Variants in GXYLT2 observed in about 807,000 individuals in gnomAD.
GXYLT2 encodes the protein glycosyltransferase 8 domain containing 4.
In GXYLT2, 53 loss-of-function variants were observed where a neutral mutation model predicts 45.8. That is an observed-to-expected ratio of 1.16 (90% CI 0.93 to 1.46). GXYLT2 has a LOEUF of 1.46. Ranked by LOEUF, GXYLT2 falls within the 40% of genes most tolerant of loss-of-function variation. The pLI is 0.00. For synonymous variants in GXYLT2, 219 were observed against 214.2 expected, an observed-to-expected ratio of 1.02 and a Z score of -0.19; for missense variants, 551 against 544.4, an observed-to-expected ratio of 1.01 and a Z score of -0.12.
chr3:72,888,134 A>T lies in GXYLT2; in HGVS notation c.-100A>T. On this transcript the variant is annotated 5_prime_UTR_variant, in exon 1 of 7. Transcript: ENST00000389617. The stretch of plus-strand genomic sequence containing the variant: ...ACCCCAGTCCCCGGCGGGCGGGCGG[A>T]GGAGGCGACCGCCGCGCGCTGCTGC... The T allele has an allele frequency of 2.8e-6, 2 of 719,336 alleles. No homozygotes were observed. Among genetic ancestry groups the T allele is most frequent in the Non-Finnish European group, 3.4e-6 (2 of 591,280 alleles). The allele number at this position is 719,336 out of a possible 1,614,324, so 44.6% of individuals were successfully genotyped here. A position where few individuals can be genotyped will look rare whatever the true frequency, so the allele number is the denominator to read the frequency against.
At chr3:72,957,511 A>G (rs867502070) in intron 5 of GXYLT2, among the ~76,000 whole-genome samples, 159 bp downstream of exon 5, 56 of 152,130 alleles carry the variant, frequency 3.7e-4, no homozygotes, top group African/African-American at 1.4e-3. Flanking sequence ...CCCCCTGGGT[A>G]TCTGATGGAG....
chr3:72,938,422 G>A (rs968128518), intron 3 of GXYLT2, among the ~76,000 whole-genome samples: 5 of 152,196 alleles, frequency 3.3e-5, no homozygotes, highest in African/African-American at 1.2e-4. Flanking sequence ...TCAAATATAA[G>A]AAAAGGGAAA....
intron 6 of GXYLT2, among the ~76,000 whole-genome samples, chr3:72,969,712 C>T (rs892042541): frequency 6.6e-6 from 1 of 152,054 alleles, no homozygotes; most frequent in African/African-American, 2.4e-5. Flanking sequence ...ATATGGTCTA[C>T]AGAGTCTAAA....
At chr3:72,896,466 G>A (rs1195328454) in intron 1 of GXYLT2, among the ~76,000 whole-genome samples, 4 of 152,092 alleles carry the variant, frequency 2.6e-5, no homozygotes, top group Non-Finnish European at 5.9e-5. Context: ...TTTTCTTGTG[G>A]GGGTAGGTAT....
chr3:72,922,289 G>A lies in GXYLT2; in HGVS notation c.554G>A (p.Trp185Ter), dbSNP rs766154534. 4 of 1,613,670 alleles carry A rather than the reference G, an allele frequency of 2.5e-6. 1 individual carries two copies. Among genetic ancestry groups the A allele is most frequent in the South Asian group, 2.2e-5 (2 of 91,064 alleles). The change falls in exon 3 of 7, where the codon TGG (tryptophan) becomes TAG (stop). Residue 185 changes from tryptophan to a stop codon, truncating the protein, a stop_gained. Transcript: ENST00000389617. LOFTEE classifies it high-confidence loss of function. ...ITFSVGNPQE[W>*]KKLFKPCAAQ... ...TTTTCTGTTGGAAACCCTCAGGAGT[G>A]GAAGAAATTGTTCAAACCCTGTGCT... is the stretch of plus-strand genomic sequence containing the variant.
intron 1 of GXYLT2, among the ~76,000 whole-genome samples, chr3:72,890,758 T>C (rs565627413): frequency 6.6e-6 from 1 of 152,348 alleles, no homozygotes; most frequent in African/African-American, 2.4e-5. Context: ...ATGGATGTTT[T>C]AGGGAAGGAG....
chr3:72,949,310 G>A (rs189897384), intron 3 of GXYLT2, among the ~76,000 whole-genome samples: 52 of 151,784 alleles, frequency 3.4e-4, no homozygotes, highest in African/African-American at 1.2e-3. Context: ...CCTGCTCTCC[G>A]CTTATTTATC....
In GXYLT2 at chr3:72,898,583, G is replaced by A. The variant is rs564447784; in HGVS notation, c.276-9784G>A. On this transcript the variant is annotated intron_variant, in intron 1 of 6. Transcript: ENST00000389617. Reference sequence around the variant, plus strand: ...ATAACCTCTGCGAATGGCAGATGGGGTGGGTTAGGAAGGTAGAGTTGGCAA... The same window carrying A: ...ATAACCTCTGCGAATGGCAGATGGGATGGGTTAGGAAGGTAGAGTTGGCAA... Among the ~76,000 whole-genome samples, 46 of 152,326 alleles carry A rather than the reference G, an allele frequency of 3.0e-4. 2 individuals carry two copies. The South Asian group carries it at 8.7e-3, about 29-fold the overall frequency.
chr3:72,974,788 G>A (rs1711060585), intron 6 of GXYLT2, among the ~76,000 whole-genome samples, 189 bp from the exon 7 acceptor site: 2 of 152,042 alleles, frequency 1.3e-5, no homozygotes, highest in Non-Finnish European at 2.9e-5. Context: ...GGTTCGGAGA[G>A]TTTAAATGAT....
intron 3 of GXYLT2, among the ~76,000 whole-genome samples, chr3:72,940,283 A>G (rs1710275654): frequency 6.6e-6 from 1 of 152,264 alleles, no homozygotes; most frequent in South Asian, 2.1e-4. Flanking sequence ...CCCTAGAAGT[A>G]TGACTGTGAA....
chr3:72,927,470 G>A (rs1446954301), intron 3 of GXYLT2, among the ~76,000 whole-genome samples: 5 of 152,166 alleles, frequency 3.3e-5, no homozygotes, highest in East Asian at 1.9e-4. Context: ...GCTTACCAAT[G>A]ATGTCTTCAT....
At chr3:72,962,964 A>ACC (rs145982038) in intron 5 of GXYLT2, among the ~76,000 whole-genome samples, 1 of 150,162 alleles carries the variant, frequency 6.7e-6, no homozygotes, top group Admixed American at 6.6e-5. Context: ...TAAAAAAAAA[A>ACC]AACAAAAAAA....
At chr3:72,937,651 C>T (rs1448694520) in intron 3 of GXYLT2, among the ~76,000 whole-genome samples, 1 of 152,204 alleles carries the variant, frequency 6.6e-6, no homozygotes, top group Non-Finnish European at 1.5e-5. Flanking sequence ...TTCTGCCCTA[C>T]TTCTTAGAAT....
intron 3 of GXYLT2, chr3:72,927,180 C>T (rs1709935206): frequency 6.6e-6 from 1 of 152,308 alleles, no homozygotes; most frequent in Admixed American, 6.6e-5. Flanking sequence ...CTCAAGTGAT[C>T]CTCCTTCCTA....
intron 3 of GXYLT2, among the ~76,000 whole-genome samples, chr3:72,947,115 G>A (rs1054272139): frequency 1.3e-5 from 2 of 152,066 alleles, no homozygotes; most frequent in African/African-American, 4.8e-5. Context: ...TGCTCCCAAA[G>A]TGCCCGATGA....
chr3:72,901,750 G>A (rs1027345093), intron 1 of GXYLT2, among the ~76,000 whole-genome samples: 1 of 151,454 alleles, frequency 6.6e-6, no homozygotes, highest in Non-Finnish European at 1.5e-5. Flanking sequence ...TAGTAGAGAT[G>A]GGGTTTCTCC....
chr3:72,955,268 G>A lies in GXYLT2; in HGVS notation c.771G>A (p.Arg257=), dbSNP rs747717287. ...PKIGWYSRFA[R]HPFYGSAGVN... is the part of the protein sequence containing the mutation. Reference sequence around the variant, plus strand: ...TTGGCTGGTACAGCCGCTTTGCTAGGCATCCTTTCTATGGCTCTGCAGGAG... The same window carrying A: ...TTGGCTGGTACAGCCGCTTTGCTAGACATCCTTTCTATGGCTCTGCAGGAG... The change falls in exon 4 of 7, where the codon AGG becomes AGA. Residue 257 remains arginine (R), a synonymous_variant. Transcript: ENST00000389617. 19 of 1,614,038 alleles carry A rather than the reference G, an allele frequency of 1.2e-5. No homozygotes were observed. Among genetic ancestry groups the A allele is most frequent in the Non-Finnish European group, 1.5e-5 (18 of 1,179,896 alleles).
At chr3:72,973,188 G>C (rs1361679053) in intron 6 of GXYLT2, among the ~76,000 whole-genome samples, 1 of 152,178 alleles carries the variant, frequency 6.6e-6, no homozygotes, top group African/African-American at 2.4e-5. Context: ...TCCTGGGCTG[G>C]AGAGGAGTGT....
intron 2 of GXYLT2, among the ~76,000 whole-genome samples, chr3:72,911,993 G>GTGTATATA (rs1381632448): frequency 8.1e-6 from 1 of 122,936 alleles, no homozygotes; most frequent in African/African-American, 4.0e-5. Context: ...GTGTGTGTGT[G>GTGTATATA]TATATATATA....
Sources: gnomAD v4.1 joint callset for allele counts (sites outside exome capture counted in the v4.1 genomes callset) on GRCh38, gnomAD v4.1.1 for gene constraint, MANE v1.5 for transcripts, NCBI Gene and HGNC (gene_info 2026-07-23, HGNC 2026-07-21) for gene names.